LRRC28: variants seen among roughly 807,000 people sequenced by gnomAD.
LRRC28 encodes leucine rich repeat containing 28.
In LRRC28, 39 loss-of-function variants were observed where a neutral mutation model predicts 45.7. The ratio of observed to expected loss-of-function variants is 0.85; its 90% CI spans 0.66 to 1.12. LRRC28 has a LOEUF of 1.12. Among genes scored for constraint, LRRC28 ranks in the 50% most tolerant of loss-of-function variants. LRRC28 has a pLI of 0.00. For synonymous variants in LRRC28, 206 were observed against 178.8 expected (o/e 1.15, Z -1.22); for missense variants, 435 against 438.5 (o/e 0.99, Z 0.07).
intron 5 of LRRC28, among the ~76,000 whole-genome samples, chr15:99,329,692 A>C (rs1352834981): frequency 6.6e-6 from 1 of 152,216 alleles, no homozygotes; most frequent in East Asian, 1.9e-4. Flanking sequence ...AAATTTCTTG[A>C]GATCTTCGCT....
At chr15:99,357,197 C>G (rs1957070134) in intron 7 of LRRC28, among the ~76,000 whole-genome samples, 1 of 152,194 alleles carries the variant, frequency 6.6e-6, no homozygotes, top group Admixed American at 6.5e-5. Context: ...TGGGTACTAT[C>G]AAAATTCATA....
intron 5 of LRRC28, among the ~76,000 whole-genome samples, chr15:99,308,973 G>A (rs933869616): frequency 1.3e-5 from 2 of 152,184 alleles, no homozygotes; most frequent in African/African-American, 4.8e-5. Flanking sequence ...CTAAGGAATA[G>A]TGCCCTTGTC....
chr15:99,325,177 ATTT>A (rs71456918), intron 5 of LRRC28, among the ~76,000 whole-genome samples: 1 of 151,952 alleles, frequency 6.6e-6, no homozygotes, highest in African/African-American at 2.4e-5. Context: ...CAAGTATATA[ATTT>A]TTTTTGGTGC....
intron 7 of LRRC28, among the ~76,000 whole-genome samples, chr15:99,357,327 A>G (rs1957074601): frequency 1.3e-5 from 2 of 152,228 alleles, no homozygotes; most frequent in African/African-American, 4.8e-5. Flanking sequence ...TGTACCAAAT[A>G]CACAATTTTT....
Position 99,299,418 on chromosome 15 carries a change from GATATA to G in LRRC28, c.385+11473_385+11477del, listed in dbSNP as rs1184765374. Among the ~76,000 whole-genome samples, 7 of 152,176 alleles carry G rather than the reference GATATA, an allele frequency of 4.6e-5. No homozygotes were observed. In the East Asian group the frequency reaches 5.8e-4, roughly 13 times the overall value. On this transcript the variant is annotated intron_variant, in intron 5 of 9. Transcript: ENST00000301981. ...TATATCTACATGTATTATGTAGATTGATATAATATAGATTTCATATATAGGTACAC... is the reference window on the plus strand; with the variant it reads ...TATATCTACATGTATTATGTAGATTGATATAGATTTCATATATAGGTACAC...
At chr15:99,320,624 A>T (rs1056811063) in intron 5 of LRRC28, 11 of 152,164 alleles carry the variant, frequency 7.2e-5, no homozygotes, top group African/African-American at 2.7e-4. Context: ...TAATAAGAGC[A>T]TGGAGAAATA....
chr15:99,375,119 G>T (rs1298771300), intron 9 of LRRC28, among the ~76,000 whole-genome samples: 1 of 152,100 alleles, frequency 6.6e-6, no homozygotes. Flanking sequence ...GGGGTTTTTG[G>T]TATGTTCTCT....
intron 6 of LRRC28, among the ~76,000 whole-genome samples, chr15:99,344,198 A>G (rs1013464444): frequency 2.6e-5 from 4 of 152,202 alleles, no homozygotes; most frequent in South Asian, 2.1e-4. Context: ...GCTGGGCACT[A>G]TATACGTTGT....
At chr15:99,380,328 A>G (rs1389181905) in intron 9 of LRRC28, among the ~76,000 whole-genome samples, 2 of 152,018 alleles carry the variant, frequency 1.3e-5, no homozygotes, top group African/African-American at 4.8e-5. Context: ...TGTTGGTTTA[A>G]AGTCTGTTTT....
intron 6 of LRRC28, among the ~76,000 whole-genome samples, chr15:99,351,000 A>C (rs769227533): frequency 1.2e-4 from 18 of 152,118 alleles, no homozygotes; most frequent in Non-Finnish European, 2.6e-4. Flanking sequence ...GGGTTTCACC[A>C]TGTGGCCCAG....
chr15:99,357,299 C>G (rs181526327), intron 7 of LRRC28, among the ~76,000 whole-genome samples: 132 of 152,276 alleles, frequency 8.7e-4, no homozygotes, highest in African/African-American at 3.0e-3. Context: ...ATGTTCCTCA[C>G]AAATGTATAT....
intron 5 of LRRC28, among the ~76,000 whole-genome samples, chr15:99,333,192 G>C (rs1048254388): frequency 6.6e-6 from 1 of 152,148 alleles, no homozygotes; most frequent in Non-Finnish European, 1.5e-5. Context: ...TAAGTGATTT[G>C]ATGTATGAAA....
At chr15:99,350,142 CAAAAAAAAAA>C (rs71149462) in intron 6 of LRRC28, among the ~76,000 whole-genome samples, 1 of 97,890 alleles carries the variant, frequency 1.0e-5, no homozygotes, top group Admixed American at 1.0e-4. Context: ...GACTCCGTCT[CAAAAAAAAAA>C]AAAAAAAGAA....
Position 99,352,364 on chromosome 15 carries a change from T to A in LRRC28, c.593-5T>A, listed in dbSNP as rs777043254. 1.7e-4 allele frequency: 271 copies of A among 1,606,848 alleles called. No individual in the cohort carries two copies. The highest frequency in any genetic ancestry group is 2.2e-4 in the Non-Finnish European group (260 of 1,175,134). The stretch of plus-strand genomic sequence containing the variant: ...GGAATTACAGCACTTTTCTTTCTAA[T>A]CCAGATTTAGGTCGATCTCGAGAAC... On this transcript the variant is annotated splice_region_variant and splice_polypyrimidine_tract_variant and intron_variant, in intron 6 of 9. Coordinates refer to ENST00000301981, the MANE Select transcript of LRRC28 (RefSeq NM_144598.5).
At chr15:99,373,445 G>A (rs552748931) in intron 9 of LRRC28, among the ~76,000 whole-genome samples, 38 of 152,162 alleles carry the variant, frequency 2.5e-4, no homozygotes, top group Non-Finnish European at 5.3e-4. Context: ...GGGTACTTGA[G>A]ATGTTTGATA....
rs938297145 is a variant in LRRC28, at chr15:99,285,552, C to T, written c.210-1705C>T. 4.9e-6 allele frequency: 5 copies of T among 1,010,196 alleles called. No homozygotes were observed. The Admixed American group carries it at 8.6e-5, about 17-fold the overall frequency. 62.6% of individuals were successfully genotyped at this position (1,010,196 alleles called of 1,614,324 possible). A position where few individuals can be genotyped will look rare whatever the true frequency, so the allele number is the denominator to read the frequency against. On this transcript the variant is annotated intron_variant, in intron 3 of 9. Transcript: ENST00000301981. Reference sequence around the variant, plus strand: ...TGAAGAGCTTCCTCAGCTGTTCGGGCTCTTTAGGAGACTGACTTAGACTTG... The same window carrying T: ...TGAAGAGCTTCCTCAGCTGTTCGGGTTCTTTAGGAGACTGACTTAGACTTG...
rs1028772470 is a variant in LRRC28, at chr15:99,388,314, T to A, written c.*2212T>A. ...GCTATGAAATGTGCTAACTTGGTAT[T>A]CAGGATTCTCATTGTGATAAGGTGA... is the stretch of plus-strand genomic sequence containing the variant. On this transcript the variant is annotated 3_prime_UTR_variant, in exon 10 of 10. Transcript: ENST00000301981. 1 of 152,236 alleles carries A rather than the reference T, an allele frequency of 6.6e-6. No homozygotes were observed. The highest frequency in any genetic ancestry group is 1.5e-5 in the Non-Finnish European group (1 of 68,032). 9.4% of individuals were successfully genotyped at this position (152,236 alleles called of 1,614,324 possible).
chr15:99,283,463 A>C (rs2081866373), intron 3 of LRRC28, among the ~76,000 whole-genome samples: 2 of 151,344 alleles, frequency 1.3e-5, no homozygotes, highest in Non-Finnish European at 2.9e-5. Context: ...AATACAAAAA[A>C]AAATTAGCCG....
chr15:99,284,474 G>C (rs1324128948), intron 3 of LRRC28, among the ~76,000 whole-genome samples: 1 of 152,146 alleles, frequency 6.6e-6, no homozygotes, highest in African/African-American at 2.4e-5. Flanking sequence ...ATATACATGA[G>C]TATTTGTCTA....
Sources: gnomAD v4.1 joint callset for allele counts (sites outside exome capture counted in the v4.1 genomes callset) on GRCh38, gnomAD v4.1.1 for gene constraint, MANE v1.5 for transcripts, NCBI Gene and HGNC (gene_info 2026-07-23, HGNC 2026-07-21) for gene names.